Variants in TMOD1 observed in about 807,000 individuals in gnomAD.
TMOD1 encodes tropomodulin 1.
TMOD1 carries 17 observed loss-of-function variants against 40.6 expected under a neutral mutation model. That is an observed-to-expected ratio of 0.42 (90% CI 0.29 to 0.63). The LOEUF is 0.63. Among genes scored for constraint, TMOD1 ranks in the 20% least tolerant of loss-of-function variants. The pLI, the probability that TMOD1 is intolerant of heterozygous loss-of-function variation, is 0.22. For synonymous variants in TMOD1, 181 were observed against 175.0 expected, an observed-to-expected ratio of 1.03 and a Z score of -0.27; for missense variants, 391 against 447.6, an observed-to-expected ratio of 0.87 and a Z score of 1.14.
intron 1 of TMOD1, among the ~76,000 whole-genome samples, chr9:97,519,076 G>A (rs1829874340): frequency 6.6e-6 from 1 of 152,238 alleles, no homozygotes; most frequent in Non-Finnish European, 1.5e-5. Flanking sequence ...TCAAGATGAT[G>A]CCGCGTAAGT....
chr9:97,546,304 C>T lies in TMOD1; in HGVS notation c.240C>T (p.Asp80=). 3 of 1,614,070 alleles carry T rather than the reference C, an allele frequency of 1.9e-6. No homozygotes were observed. Among genetic ancestry groups the T allele is most frequent in the South Asian group, 1.1e-5 (1 of 91,072 alleles). ...AAAAGCAAGCAAAGGAGTTTAAGGACCGAGAAGATCTGGTCCCCTACACAG... is the reference window on the plus strand; with the variant it reads ...AAAAGCAAGCAAAGGAGTTTAAGGATCGAGAAGATCTGGTCCCCTACACAG... The part of the protein sequence containing the change: ...HLEKQAKEFK[D]REDLVPYTGE... The change falls in exon 3 of 10, where the codon GAC becomes GAT. Residue 80 remains aspartate (D), a synonymous_variant. Transcript: ENST00000259365.
chr9:97,539,737 C>A (rs1019230224), intron 2 of TMOD1, among the ~76,000 whole-genome samples: 2 of 152,030 alleles, frequency 1.3e-5, no homozygotes, highest in African/African-American at 4.8e-5. Flanking sequence ...GAGGCCGAGG[C>A]GGGCGGATCA....
chr9:97,539,519 C>T (rs1830242509), intron 2 of TMOD1, among the ~76,000 whole-genome samples: 1 of 152,226 alleles, frequency 6.6e-6, no homozygotes, highest in Non-Finnish European at 1.5e-5. Flanking sequence ...ACCACTGGCA[C>T]ATGAAGAGCC....
chr9:97,601,107 A>T lies in TMOD1; in HGVS notation c.*1409A>T, dbSNP rs979852475. ...GGCCAGGGCCTCAGCGCTATGGAAG[A>T]GTGTCCACTGAGGCTGCACATGGCC... On this transcript the variant is annotated 3_prime_UTR_variant, in exon 10 of 10. Transcript: ENST00000259365. 2.2e-5 allele frequency: 29 copies of T among 1,304,178 alleles called. No homozygotes were observed. The highest frequency in any genetic ancestry group is 2.8e-5 in the Non-Finnish European group (28 of 988,952). The allele number at this position is 1,304,178 out of a possible 1,614,324, so 80.8% of individuals were successfully genotyped here.
At chr9:97,532,472 G>A (rs1830118073) in intron 2 of TMOD1, among the ~76,000 whole-genome samples, 1 of 152,054 alleles carries the variant, frequency 6.6e-6, no homozygotes, top group South Asian at 2.1e-4. Flanking sequence ...CTCCACCCTG[G>A]CAACACTGAG....
intron 8 of TMOD1, among the ~76,000 whole-genome samples, chr9:97,575,891 G>A (rs1333715503): frequency 1.3e-5 from 2 of 152,210 alleles, no homozygotes; most frequent in Non-Finnish European, 2.9e-5. Flanking sequence ...TGAAGGGCAT[G>A]CCGACTTTTA....
intron 1 of TMOD1, among the ~76,000 whole-genome samples, chr9:97,510,479 C>T (rs192817937): frequency 2.0e-4 from 31 of 152,344 alleles, no homozygotes; most frequent in Admixed American, 3.3e-4. Context: ...GATCCACCCA[C>T]GTCAGCCTCC....
At chr9:97,578,359 T>G (rs1825662764) in intron 8 of TMOD1, among the ~76,000 whole-genome samples, 1 of 152,212 alleles carries the variant, frequency 6.6e-6, no homozygotes. Context: ...GGCCGAAGCT[T>G]CTTTGACATC....
intron 2 of TMOD1, among the ~76,000 whole-genome samples, chr9:97,529,733 C>T (rs1189273282): frequency 6.6e-6 from 1 of 152,190 alleles, no homozygotes; most frequent in Non-Finnish European, 1.5e-5. Flanking sequence ...TGAAGCAGAG[C>T]CAGCTCCTCA....
At chr9:97,520,003 G>A (rs1829890429) in intron 1 of TMOD1, among the ~76,000 whole-genome samples, 1 of 151,960 alleles carries the variant, frequency 6.6e-6, no homozygotes, top group African/African-American at 2.4e-5. Context: ...ACCCAGTCCA[G>A]GGATTTTCCA....
chr9:97,543,392 T>A (rs960489492), intron 2 of TMOD1, among the ~76,000 whole-genome samples: 1 of 152,276 alleles, frequency 6.6e-6, no homozygotes, highest in African/African-American at 2.4e-5. Flanking sequence ...CCTATTAACA[T>A]ATATTCTACC....
chr9:97,511,506 G>C (rs914477859), intron 1 of TMOD1, among the ~76,000 whole-genome samples: 3 of 152,138 alleles, frequency 2.0e-5, no homozygotes, highest in African/African-American at 7.2e-5. Flanking sequence ...CTCTGCCATC[G>C]CTGCTCACAG....
intron 1 of TMOD1, among the ~76,000 whole-genome samples, chr9:97,505,654 C>T (rs1205408644): frequency 6.6e-6 from 1 of 152,022 alleles, no homozygotes; most frequent in Non-Finnish European, 1.5e-5. Context: ...CAGTCACCTC[C>T]CAACTCCCTA....
chr9:97,600,393 C>A lies in TMOD1; in HGVS notation c.*695C>A. 3.0e-6 allele frequency: 3 copies of A among 985,920 alleles called. No homozygotes were observed. The highest frequency in any genetic ancestry group is 3.6e-6 in the Non-Finnish European group (3 of 830,182). The allele number at this position is 985,920 out of a possible 1,614,324, so 61.1% of individuals were successfully genotyped here. A position where few individuals can be genotyped will look rare whatever the true frequency, so the allele number is the denominator to read the frequency against. On this transcript the variant is annotated 3_prime_UTR_variant, in exon 10 of 10. Transcript: ENST00000259365. ...TACCAATCCCAGGCAACAAACATGTCCCTGAGTGTTCTTTAAGAACATTTG... is the reference window on the plus strand; with the variant it reads ...TACCAATCCCAGGCAACAAACATGTACCTGAGTGTTCTTTAAGAACATTTG...
intron 1 of TMOD1, among the ~76,000 whole-genome samples, chr9:97,504,386 AAAGG>A (rs1564224836): frequency 6.6e-6 from 1 of 152,086 alleles, no homozygotes; most frequent in Admixed American, 6.5e-5. Context: ...CTTGGATGAG[AAAGG>A]AAGGGAGAGG....
chr9:97,509,296 C>T (rs1454256362), intron 1 of TMOD1, among the ~76,000 whole-genome samples: 1 of 152,134 alleles, frequency 6.6e-6, no homozygotes, highest in Admixed American at 6.5e-5. Flanking sequence ...AAGAAATAAT[C>T]CATGTAAAGA....
rs1451485697 is a variant in TMOD1, at chr9:97,524,297, C to T, written c.109C>T (p.Leu37=). 5 of 1,614,010 alleles carry T rather than the reference C, an allele frequency of 3.1e-6. No individual in the cohort carries two copies. Among genetic ancestry groups the T allele is most frequent in the Non-Finnish European group, 3.4e-6 (4 of 1,179,924 alleles). The part of the protein sequence containing the change: ...LRTLENELDE[L]DPDNALLPAG... The stretch of plus-strand genomic sequence containing the variant: ...GACCCTGGAAAATGAGCTGGATGAG[C>T]TGGACCCTGATGTGAGTAGGTGCTA... The change falls in exon 2 of 10, where the codon CTG becomes TTG. Residue 37 remains leucine, a synonymous_variant. Transcript: ENST00000259365.
chr9:97,586,680 G>A (rs1451211362), intron 8 of TMOD1, among the ~76,000 whole-genome samples: 29 of 151,694 alleles, frequency 1.9e-4, no homozygotes, highest in Non-Finnish European at 1.6e-4. Flanking sequence ...AGGACCCTCC[G>A]AGCCAGGTGC....
chr9:97,546,925 T>C (rs1830369521), intron 3 of TMOD1, among the ~76,000 whole-genome samples: 1 of 83,120 alleles, frequency 1.2e-5, no homozygotes, highest in Non-Finnish European at 2.4e-5. Context: ...TAAGACTCCG[T>C]CTCCAAAAAA....
Sources: gnomAD v4.1 joint callset for allele counts (sites outside exome capture counted in the v4.1 genomes callset) on GRCh38, gnomAD v4.1.1 for gene constraint, MANE v1.5 for transcripts, NCBI Gene and HGNC (gene_info 2026-07-23, HGNC 2026-07-21) for gene names.